The following WDFY4 variants were observed in gnomAD, a reference collection of about 807,000 sequenced individuals.
WDFY4 encodes the protein WD repeat- and FYVE domain-containing protein 4.
A neutral mutation model predicts 351.9 loss-of-function variants in WDFY4; 169 were observed. The observed-to-expected ratio is 0.48, with a 90% CI of 0.42 to 0.55. The LOEUF is 0.55. Among genes scored for constraint, WDFY4 ranks in the 20% least tolerant of loss-of-function variants. The pLI, the probability that WDFY4 is intolerant of heterozygous loss-of-function variation, is 0.00. For synonymous variants in WDFY4, 1,622 were observed against 1,574.6 expected (o/e 1.03, Z -0.71); for missense variants, 3,803 against 3,935.6 (o/e 0.97, Z 0.90).
intron 9 of WDFY4, among the ~76,000 whole-genome samples, chr10:48,732,885 A>G (rs1215505303): frequency 6.6e-6 from 1 of 152,180 alleles, no homozygotes; most frequent in East Asian, 1.9e-4. Flanking sequence ...GTGTTTGCAA[A>G]TAGGATCAGG....
At chr10:48,854,433 C>G (rs1489873277) in intron 39 of WDFY4, among the ~76,000 whole-genome samples, 2 of 151,854 alleles carry the variant, frequency 1.3e-5, no homozygotes, top group African/African-American at 4.8e-5. Flanking sequence ...TTCAACTGAT[C>G]TTATTAATGA....
rs372263327 is a variant in WDFY4, at chr10:48,832,705, C to T, written c.6659C>T (p.Thr2220Ile). The change falls in exon 39 of 62, where the codon ACA becomes ATA. Residue 2220 changes from threonine (T) to isoleucine (I), a missense_variant. Physicochemically the swap from Thr to Ile is moderately conservative, Grantham distance 89 (BLOSUM62 -1). Coordinates refer to ENST00000325239, the MANE Select transcript of WDFY4 (RefSeq NM_001394531.1). ...GRQAKDPECK[T>I]EDFVSCIENY... ...CAGGCCAAGGACCCTGAGTGCAAGA[C>T]AGAGGTGAGCCCAGACCCCTTTTCC... 7.8e-6 allele frequency: 12 copies of T among 1,543,532 alleles called. No homozygotes were observed. The African/African-American group carries it at 1.6e-4, about 21-fold the overall frequency.
chr10:48,791,001 G>T (rs1415194908), intron 23 of WDFY4, 84 bp downstream of exon 23: 1 of 1,479,576 alleles, frequency 6.8e-7, no homozygotes, highest in Non-Finnish European at 9.1e-7. Context: ...GCTTGCCTCA[G>T]TTGCATTCCC....
chr10:48,948,745 G>T (rs1317727877), intron 51 of WDFY4, among the ~76,000 whole-genome samples: 1 of 152,232 alleles, frequency 6.6e-6, no homozygotes, highest in African/African-American at 2.4e-5. Flanking sequence ...CCAGCTCAAG[G>T]CTTGATGCTA....
At chr10:48,749,565 A>G (rs115899028) in intron 12 of WDFY4, among the ~76,000 whole-genome samples, 2,400 of 152,216 alleles carry the variant, frequency 0.016, 62 homozygotes, top group African/African-American at 0.054. Flanking sequence ...TACACACACC[A>G]TAGAATGGAG....
intron 19 of WDFY4, among the ~76,000 whole-genome samples, chr10:48,781,292 G>GTGTA (rs1199825655): frequency 2.0e-5 from 3 of 150,948 alleles, no homozygotes; most frequent in South Asian, 4.2e-4. Flanking sequence ...GTGTGTGTGT[G>GTGTA]TATATATATA....
chr10:48,774,138 G>A (rs1044496856), intron 13 of WDFY4, among the ~76,000 whole-genome samples: 3 of 152,244 alleles, frequency 2.0e-5, no homozygotes, highest in Non-Finnish European at 4.4e-5. Flanking sequence ...TATTGTGTGG[G>A]TCAAACACAG....
At chr10:48,913,577 C>T (rs1237388115) in intron 47 of WDFY4, 5 of 1,614,118 alleles carry the variant, frequency 3.1e-6, no homozygotes, top group Non-Finnish European at 4.2e-6. Context: ...TCTCCAGCCT[C>T]CTGATGGAGT....
rs571655425 is a variant in WDFY4, at chr10:48,766,710, A to G, written c.2553+6270A>G. Among the ~76,000 whole-genome samples, 3 of 152,370 alleles carry G rather than the reference A, an allele frequency of 2.0e-5. No homozygotes were observed. In the South Asian group the frequency reaches 6.2e-4, roughly 32 times the overall value. On this transcript the variant is annotated intron_variant, in intron 13 of 61. Transcript: ENST00000325239. ...GAATGGTGGTGTAAGTTAAAGTCAG[A>G]TGGATTCAGCCCTGGCCTAATTATC...
At chr10:48,810,993 ACTGTATACT>A (rs1322873175) in intron 29 of WDFY4, among the ~76,000 whole-genome samples, 2 of 152,302 alleles carry the variant, frequency 1.3e-5, no homozygotes, top group East Asian at 3.9e-4. Context: ...TCTCCTGGGC[ACTGTATACT>A]CTGCTTCCTC....
At chr10:48,861,617 G>C (rs1057342341) in intron 39 of WDFY4, among the ~76,000 whole-genome samples, 15 of 152,064 alleles carry the variant, frequency 9.9e-5, no homozygotes, top group Admixed American at 1.3e-4. Context: ...CCTGTGTTTA[G>C]GATTTTTTTC....
At chr10:48,850,695 G>C (rs2068928555) in intron 39 of WDFY4, among the ~76,000 whole-genome samples, 1 of 152,184 alleles carries the variant, frequency 6.6e-6, no homozygotes, top group Admixed American at 6.5e-5. Flanking sequence ...GTTGGCCCGA[G>C]ACTCTCTATA....
chr10:48,981,278 G>T (rs561091970), intron 60 of WDFY4, 89 bp from the exon 61 acceptor site: 7 of 1,012,296 alleles, frequency 6.9e-6, no homozygotes, highest in Non-Finnish European at 1.0e-5. Flanking sequence ...AAATATGTGC[G>T]TATGTGTTTG....
chr10:48,911,142 AGCGGTG>A (rs1221495188), intron 47 of WDFY4, among the ~76,000 whole-genome samples: 1 of 152,194 alleles, frequency 6.6e-6, no homozygotes, highest in African/African-American at 2.4e-5. Context: ...CTGGCAGGCT[AGCGGTG>A]GCTCCTATAC....
At chr10:48,703,835 G>C (rs1210988340) in intron 1 of WDFY4, among the ~76,000 whole-genome samples, 1 of 152,196 alleles carries the variant, frequency 6.6e-6, no homozygotes, top group Non-Finnish European at 1.5e-5. Flanking sequence ...TGCCTGGTGT[G>C]GGTTGTTACA....
chr10:48,882,800 A>G (rs1298250141), intron 43 of WDFY4, among the ~76,000 whole-genome samples: 1 of 152,202 alleles, frequency 6.6e-6, no homozygotes. Context: ...ATCTGCCCCC[A>G]TCATTCAAAC....
At chr10:48,952,401 T>A (rs567198330) in intron 51 of WDFY4, among the ~76,000 whole-genome samples, 1 of 152,304 alleles carries the variant, frequency 6.6e-6, no homozygotes, top group East Asian at 1.9e-4. Flanking sequence ...GGGCCCAAAG[T>A]GTGACTTGAG....
chr10:48,734,116 G>T (rs900238361), intron 10 of WDFY4, 81 bp downstream of exon 10: 2 of 1,278,636 alleles, frequency 1.6e-6, no homozygotes, highest in Non-Finnish European at 2.2e-6. Flanking sequence ...AGTGTTCACA[G>T]GTTATACTCA....
intron 2 of WDFY4, among the ~76,000 whole-genome samples, 188 bp downstream of exon 2, chr10:48,710,154 A>G (rs542607266): frequency 6.6e-6 from 1 of 152,316 alleles, no homozygotes; most frequent in African/African-American, 2.4e-5. Context: ...GCTTAGATGC[A>G]ACAGACTTAT....
Sources: allele counts gnomAD v4.1 joint callset (sites outside exome capture counted in the v4.1 genomes callset), GRCh38; gene constraint gnomAD v4.1.1; transcripts MANE v1.5; gene names NCBI Gene and HGNC (gene_info 2026-07-23, HGNC 2026-07-21).